The following SIAH3 variants were observed in gnomAD, a reference collection of about 807,000 sequenced individuals.
SIAH3 encodes the protein siah E3 ubiquitin protein ligase family member 3.
A neutral mutation model predicts 12.6 loss-of-function variants in SIAH3; 9 were observed. The ratio of observed to expected loss-of-function variants is 0.72; its 90% CI spans 0.43 to 1.25. SIAH3 has a LOEUF of 1.25. Ranked by LOEUF, SIAH3 falls within the 50% of genes most tolerant of loss-of-function variation. The pLI is 0.00. For missense variants in SIAH3, 390 were observed against 365.4 expected (o/e 1.07, Z -0.55); for synonymous variants, 154 against 151.1 (o/e 1.02, Z -0.14).
At chr13:45,818,729 C>T (rs1049244476) in intron 1 of SIAH3, among the ~76,000 whole-genome samples, 25 of 152,216 alleles carry the variant, frequency 1.6e-4, no homozygotes, top group Non-Finnish European at 4.4e-5. Flanking sequence ...ATTGTGATGG[C>T]ATTTAGGGCC....
chr13:45,847,606 T>C (rs1950764660), intron 1 of SIAH3, among the ~76,000 whole-genome samples: 1 of 146,158 alleles, frequency 6.8e-6, no homozygotes, highest in Non-Finnish European at 1.5e-5. Flanking sequence ...CATATGCCCC[T>C]CCCACTCCAT....
In SIAH3 at chr13:45,818,479, G is replaced by C. The variant is rs1026907796; in HGVS notation, c.135+33016C>G. 3.3e-5 allele frequency among the ~76,000 whole-genome samples: 5 copies of C among 152,174 alleles called. No individual in the cohort carries two copies. The East Asian group carries it at 9.6e-4, about 29-fold the overall frequency. Reference sequence around the variant, plus strand: ...AATTTATGCTCTCAGAGTTTTGAAGGCCAGAAGTCTGAAATCATTATCACT... The same window carrying C: ...AATTTATGCTCTCAGAGTTTTGAAGCCCAGAAGTCTGAAATCATTATCACT... On this transcript the variant is annotated intron_variant, in intron 1 of 1. Coordinates refer to ENST00000400405, the MANE Select transcript of SIAH3 (RefSeq NM_198849.3).
At chr13:45,821,575 A>AT (rs1204182289) in intron 1 of SIAH3, among the ~76,000 whole-genome samples, 1 of 152,252 alleles carries the variant, frequency 6.6e-6, no homozygotes, top group African/African-American at 2.4e-5. Context: ...ATTTGGTGTC[A>AT]TAAAAATAAT....
At chr13:45,843,059 T>TGC (rs1171738760) in intron 1 of SIAH3, among the ~76,000 whole-genome samples, 4 of 151,928 alleles carry the variant, frequency 2.6e-5, no homozygotes, top group African/African-American at 9.6e-5. Flanking sequence ...TGTGTGTGTG[T>TGC]GTAGAAACTC....
At chr13:45,807,969 T>C (rs1024204730) in intron 1 of SIAH3, among the ~76,000 whole-genome samples, 4 of 152,250 alleles carry the variant, frequency 2.6e-5, no homozygotes, top group Non-Finnish European at 5.9e-5. Flanking sequence ...TTATTATATT[T>C]TGCTATTAAA....
At chr13:45,803,432 A>G (rs922937192) in intron 1 of SIAH3, among the ~76,000 whole-genome samples, 3 of 152,192 alleles carry the variant, frequency 2.0e-5, no homozygotes, top group Admixed American at 6.5e-5. Flanking sequence ...GATAAATGCT[A>G]TGATAGAAAT....
At chr13:45,785,246 G>A (rs1950524120) in intron 1 of SIAH3, among the ~76,000 whole-genome samples, 1 of 152,146 alleles carries the variant, frequency 6.6e-6, no homozygotes, top group Non-Finnish European at 1.5e-5. Context: ...TGGCAGCTCT[G>A]CAGTGCGCTC....
intron 1 of SIAH3, among the ~76,000 whole-genome samples, chr13:45,812,661 AACAC>A (rs376805762): frequency 1.3e-5 from 2 of 151,984 alleles, no homozygotes; most frequent in South Asian, 4.1e-4. Flanking sequence ...ATAAATATAT[AACAC>A]ACACACACAG....
At position 45,777,968 on chromosome 13, in the gene SIAH3, C is replaced by T. The variant is rs1408390542; in HGVS notation, c.*5415G>A. 1 of 152,164 alleles carries T rather than the reference C, an allele frequency of 6.6e-6. No individual in the cohort carries two copies. The highest frequency in any genetic ancestry group is 1.5e-5 in the Non-Finnish European group (1 of 68,030). 9.4% of individuals were successfully genotyped at this position (152,164 alleles called of 1,614,324 possible). A position where few individuals can be genotyped will look rare whatever the true frequency, so the allele number is the denominator to read the frequency against. On this transcript the variant is annotated 3_prime_UTR_variant, in exon 2 of 2. Coordinates refer to ENST00000400405, the MANE Select transcript of SIAH3 (RefSeq NM_198849.3). Reference sequence around the variant, plus strand: ...ACTCTTGTCCTAGTGGAAACTGTGCCCCAGATTTAGAAAGAGTATTGGTCT... The same window carrying T: ...ACTCTTGTCCTAGTGGAAACTGTGCTCCAGATTTAGAAAGAGTATTGGTCT...
chr13:45,822,539 A>ATATATTT (rs1950659639), intron 1 of SIAH3, among the ~76,000 whole-genome samples: 3 of 140,752 alleles, frequency 2.1e-5, no homozygotes, highest in African/African-American at 2.6e-5. Context: ...ATATATATAT[A>ATATATTT]TATATATATA....
rs570304535 is a variant in SIAH3 at position 45,851,655 on chromosome 13, C to T, written c.-26G>A. 6.2e-7 allele frequency: 1 copy of T among 1,613,780 alleles called. No homozygotes were observed. The highest frequency in any genetic ancestry group is 8.5e-7 in the Non-Finnish European group (1 of 1,179,790). ...CACAACTTTTGGGGGGTTGTTGGTC[C>T]GGGAAGGCAGCGGAGGAAGCTGTGA... On this transcript the variant is annotated 5_prime_UTR_variant, in exon 1 of 2. Coordinates refer to ENST00000400405, the MANE Select transcript of SIAH3 (RefSeq NM_198849.3).
intron 1 of SIAH3, among the ~76,000 whole-genome samples, chr13:45,849,467 G>A (rs966826169): frequency 1.3e-5 from 2 of 152,182 alleles, no homozygotes; most frequent in African/African-American, 2.4e-5. Flanking sequence ...TATTTTTAGA[G>A]GAGAGTTATG....
intron 1 of SIAH3, among the ~76,000 whole-genome samples, chr13:45,808,434 A>G (rs1034718237): frequency 2.0e-5 from 3 of 152,198 alleles, no homozygotes; most frequent in Non-Finnish European, 2.9e-5. Flanking sequence ...ATCAACCAAC[A>G]TTCATATTTA....
rs183053663 is a variant in SIAH3 at position 45,811,739 on chromosome 13, G to A, written c.136-27682C>T. 1.4e-4 allele frequency among the ~76,000 whole-genome samples: 21 copies of A among 152,318 alleles called. No individual in the cohort carries two copies. The East Asian group carries it at 4.1e-3, about 29-fold the overall frequency. On this transcript the variant is annotated intron_variant, in intron 1 of 1. Coordinates refer to ENST00000400405, the MANE Select transcript of SIAH3 (RefSeq NM_198849.3). ...GTTCTGAAGTCAGAGTTCAGGGCAG[G>A]AGATAGCCACCTTCATGGTCATTCA... is the stretch of plus-strand genomic sequence containing the variant.
At chr13:45,798,637 G>C (rs768187880) in intron 1 of SIAH3, among the ~76,000 whole-genome samples, 2 of 152,204 alleles carry the variant, frequency 1.3e-5, no homozygotes, top group Non-Finnish European at 2.9e-5. Flanking sequence ...GAACCGTCCA[G>C]ATGAGGCAGT....
rs36106322 is a variant in SIAH3 at position 45,822,520 on chromosome 13, AATATATATATATATATAT to A, written c.135+28957_135+28974del. Among the ~76,000 whole-genome samples the A allele has an allele frequency of 2.1e-4, 18 of 85,420 alleles. 1 individual carries two copies. Among genetic ancestry groups the A allele is most frequent in the African/African-American group, 4.9e-4 (11 of 22,518 alleles). 56.0% of individuals were successfully genotyped at this position (85,420 alleles called of 152,430 possible). ...AAGTGAGCTAACATTTTCATTATCA[AATATATATATATATATAT>A]ATATATATATATATATATTAGACTA... On this transcript the variant is annotated intron_variant, in intron 1 of 1. Transcript: ENST00000400405.
intron 1 of SIAH3, among the ~76,000 whole-genome samples, chr13:45,829,367 C>T (rs1460615308): frequency 6.6e-6 from 1 of 152,224 alleles, no homozygotes; most frequent in East Asian, 1.9e-4. Flanking sequence ...CTTTGGGAGG[C>T]CGAGGTGGGA....
intron 1 of SIAH3, among the ~76,000 whole-genome samples, chr13:45,838,608 A>T (rs977188429): frequency 1.3e-5 from 2 of 152,108 alleles, no homozygotes; most frequent in Non-Finnish European, 2.9e-5. Context: ...AGGACAGGGA[A>T]TGGTGATGAT....
intron 1 of SIAH3, among the ~76,000 whole-genome samples, chr13:45,817,873 A>G (rs1175384493): frequency 6.6e-6 from 1 of 152,358 alleles, no homozygotes; most frequent in South Asian, 2.1e-4. Context: ...CCCTGAATCT[A>G]TCCTCTTACC....
Sources: gnomAD v4.1 joint callset for allele counts (sites outside exome capture counted in the v4.1 genomes callset) on GRCh38, gnomAD v4.1.1 for gene constraint, MANE v1.5 for transcripts, NCBI Gene and HGNC (gene_info 2026-07-23, HGNC 2026-07-21) for gene names.